DEFB1: variants seen among roughly 807,000 people sequenced by gnomAD.
DEFB1 encodes the protein beta-defensin 1.
In DEFB1, 4 loss-of-function variants were observed where a neutral mutation model predicts 2.6. The observed-to-expected ratio is 1.53, with a 90% CI of 0.76 to 3.51. The LOEUF (loss-of-function observed/expected upper bound fraction) is 3.51, where lower values mean the gene tolerates loss of function less well. Ranked by LOEUF, DEFB1 falls within the 30% of genes most tolerant of loss-of-function variation. DEFB1 has a pLI of 0.01. For synonymous variants in DEFB1, 56 were observed against 28.5 expected, an observed-to-expected ratio of 1.96 and a Z score of -3.07; for missense variants, 162 against 76.9, an observed-to-expected ratio of 2.11 and a Z score of -4.14.
chr8:6,874,864 C>A (rs1806461471), intron 1 of DEFB1, among the ~76,000 whole-genome samples: 1 of 151,940 alleles, frequency 6.6e-6, no homozygotes, highest in Non-Finnish European at 1.5e-5. Context: ...CGCCTGTAAT[C>A]CCAGCCACTC....
Position 6,875,455 on chromosome 8 carries a change from C to G in DEFB1, c.61+2342G>C, listed in dbSNP as rs5743453. 9.0e-3 allele frequency among the ~76,000 whole-genome samples: 1,372 copies of G among 152,158 alleles called. 28 individuals are homozygous for G. Among genetic ancestry groups the G allele is most frequent in the African/African-American group, 0.032 (1,309 of 41,508 alleles). On this transcript the variant is annotated intron_variant, in intron 1 of 1. Transcript: ENST00000297439. ...CAGATAATCCAAAAGAAAACATGGA[C>G]AAAAGACAAACAGGTATTTTACAAA...
At chr8:6,875,176 T>C (rs2951855) in intron 1 of DEFB1, among the ~76,000 whole-genome samples, 124,900 of 151,704 alleles carry the variant, frequency 0.82, 51,632 homozygotes, top group Middle Eastern at 0.89. Flanking sequence ...GAAGACAATA[T>C]TGGGGACTAT....
chr8:6,876,861 A>C (rs1249242417), intron 1 of DEFB1, among the ~76,000 whole-genome samples: 1 of 151,934 alleles, frequency 6.6e-6, no homozygotes, highest in Non-Finnish European at 1.5e-5. Context: ...AAAAAACAAA[A>C]AAACAAAATC....
intron 1 of DEFB1, among the ~76,000 whole-genome samples, chr8:6,874,421 A>T (rs1229450566): frequency 3.3e-5 from 5 of 152,242 alleles, no homozygotes; most frequent in African/African-American, 1.2e-4. Context: ...TTCTAATTTG[A>T]CAAAGTGATT....
intron 1 of DEFB1, 125 bp downstream of exon 1, chr8:6,877,672 A>G (rs577001160): frequency 5.9e-6 from 5 of 853,620 alleles, no homozygotes; most frequent in East Asian, 5.3e-5. Context: ...CCACTCAACC[A>G]CGGGATGCTT....
chr8:6,872,109 T>G (rs897977586), intron 1 of DEFB1, among the ~76,000 whole-genome samples: 1 of 152,132 alleles, frequency 6.6e-6, no homozygotes, highest in Non-Finnish European at 1.5e-5. Flanking sequence ...CAATGCCTGG[T>G]TTCTGGTCCC....
At chr8:6,871,716 C>G (rs1030726900) in intron 1 of DEFB1, among the ~76,000 whole-genome samples, 2 of 152,166 alleles carry the variant, frequency 1.3e-5, no homozygotes, top group Non-Finnish European at 2.9e-5. Flanking sequence ...TTGGGACAGA[C>G]ACACACAGAG....
Position 6,870,606 on chromosome 8 carries a change from A to C in DEFB1, c.*75T>G. ...CCCAAAGGAGGTATACTTCAAAAGC[A>C]ATTTTCCTTTATTAAAAGAATGCTT... On this transcript the variant is annotated 3_prime_UTR_variant, in exon 2 of 2. Transcript: ENST00000297439. 1 of 1,561,660 alleles carries C rather than the reference A, an allele frequency of 6.4e-7. No individual in the cohort carries two copies. Among genetic ancestry groups the C allele is most frequent in the Non-Finnish European group, 8.7e-7 (1 of 1,155,408 alleles).
At chr8:6,876,349 A>ACG (rs1563398565) in intron 1 of DEFB1, among the ~76,000 whole-genome samples, 1 of 151,772 alleles carries the variant, frequency 6.6e-6, no homozygotes, top group Non-Finnish European at 1.5e-5. Context: ...GGTGGCATGC[A>ACG]CCTGTAATCC....
chr8:6,873,528 A>G (rs1806400516), intron 1 of DEFB1, among the ~76,000 whole-genome samples: 1 of 152,216 alleles, frequency 6.6e-6, no homozygotes, highest in South Asian at 2.1e-4. Flanking sequence ...GCAGCCATAA[A>G]AAAGAATGAA....
chr8:6,876,265 A>T (rs1364869548), intron 1 of DEFB1, among the ~76,000 whole-genome samples: 1 of 152,130 alleles, frequency 6.6e-6, no homozygotes, highest in African/African-American at 2.4e-5. Flanking sequence ...CCATGAGGTC[A>T]GGAGTTAAAG....
chr8:6,872,032 C>G (rs551662558), intron 1 of DEFB1, among the ~76,000 whole-genome samples: 2 of 152,160 alleles, frequency 1.3e-5, no homozygotes, highest in Non-Finnish European at 2.9e-5. Context: ...TCAGTAACTT[C>G]CATCCAAAGG....
intron 1 of DEFB1, among the ~76,000 whole-genome samples, chr8:6,872,657 C>G (rs1442029425): frequency 6.6e-6 from 1 of 152,182 alleles, no homozygotes; most frequent in African/African-American, 2.4e-5. Context: ...TCCCAGTACT[C>G]AGGGAAGCAT....
At chr8:6,874,627 G>A (rs780348642) in intron 1 of DEFB1, among the ~76,000 whole-genome samples, 15 of 152,106 alleles carry the variant, frequency 9.9e-5, no homozygotes, top group African/African-American at 1.4e-4. Flanking sequence ...ATGCATACAT[G>A]GAGAATTGAT....
rs1299852542 is a variant in DEFB1, at chr8:6,877,863, C to T, written c.-6G>A. ...AGAAGGTAGGAAGTTCTCATGGCGA[C>T]TGGCAGGCAACACCCAGGATTTCAG... On this transcript the variant is annotated 5_prime_UTR_variant, in exon 1 of 2. Coordinates refer to ENST00000297439, the MANE Select transcript of DEFB1 (RefSeq NM_005218.4). 1 of 1,613,938 alleles carries T rather than the reference C, an allele frequency of 6.2e-7. No individual in the cohort carries two copies. Among genetic ancestry groups the T allele is most frequent in the Non-Finnish European group, 8.5e-7 (1 of 1,179,862 alleles).
chr8:6,875,105 CA>C (rs1806477421), intron 1 of DEFB1, among the ~76,000 whole-genome samples: 4 of 145,060 alleles, frequency 2.8e-5, no homozygotes, highest in East Asian at 1.9e-4. Flanking sequence ...CACACACACA[CA>C]CACCCCATTG....
At chr8:6,875,200 A>T (rs1182774275) in intron 1 of DEFB1, among the ~76,000 whole-genome samples, 1 of 152,108 alleles carries the variant, frequency 6.6e-6, no homozygotes, top group African/African-American at 2.4e-5. Context: ...CATGTCTTTG[A>T]TGTAAAGAAA....
chr8:6,871,401 C>G (rs1425497370), intron 1 of DEFB1, among the ~76,000 whole-genome samples: 2 of 152,082 alleles, frequency 1.3e-5, no homozygotes, highest in African/African-American at 2.4e-5. Context: ...GCCCTTCTCC[C>G]AGTATCCCAG....
intron 1 of DEFB1, among the ~76,000 whole-genome samples, chr8:6,874,145 ACG>A (rs144570337): frequency 0.34 from 28,387 of 82,714 alleles, 2,729 homozygotes; most frequent in African/African-American, 0.4. Context: ...ACACACACAC[ACG>A]CACACACACG....
Sources: allele counts gnomAD v4.1 joint callset (sites outside exome capture counted in the v4.1 genomes callset), GRCh38; gene constraint gnomAD v4.1.1; transcripts MANE v1.5; gene names NCBI Gene and HGNC (gene_info 2026-07-23, HGNC 2026-07-21).